The following EVI5 variants were observed in gnomAD, a reference collection of about 807,000 sequenced individuals.
EVI5 encodes ecotropic viral integration site 5.
EVI5 carries 73 observed loss-of-function variants against 112.0 expected under a neutral mutation model. That is an observed-to-expected ratio of 0.65 (90% CI 0.54 to 0.79). EVI5 has a LOEUF of 0.79. Among genes scored for constraint, EVI5 ranks in the 30% least tolerant of loss-of-function variants. EVI5 has a pLI of 0.00. For missense variants in EVI5, 900 were observed against 968.8 expected (o/e 0.93, Z 0.94); for synonymous variants, 305 against 319.9 (o/e 0.95, Z 0.50).
chr1:92,653,705 C>A (rs567833739), intron 13 of EVI5, among the ~76,000 whole-genome samples: 9 of 152,226 alleles, frequency 5.9e-5, no homozygotes, highest in African/African-American at 2.4e-5. Context: ...CCCCCTCCCC[C>A]TCTCCATGCA....
intron 16 of EVI5, among the ~76,000 whole-genome samples, chr1:92,611,942 G>GA (rs567331594): frequency 2.8e-4 from 42 of 151,258 alleles, no homozygotes; most frequent in Admixed American, 1.3e-3. Context: ...AAATTAAATA[G>GA]AAAAAAAAGA....
chr1:92,636,212 T>C lies in EVI5; in HGVS notation c.1517A>G (p.Asp506Gly). 2 of 1,613,190 alleles carry C rather than the reference T, an allele frequency of 1.2e-6. No individual in the cohort carries two copies. The highest frequency in any genetic ancestry group is 1.1e-5 in the South Asian group (1 of 90,810). Residue 506 changes from aspartate (D) to glycine (G), a missense_variant, in exon 14 of 20, where the codon GAT becomes GGT. Asp to Gly is a moderately conservative substitution (Grantham distance 94). Coordinates refer to ENST00000684568, the MANE Select transcript of EVI5 (RefSeq NM_001350197.2). ...GTGTAGGTTTCTTACCTTCTCTATA[T>C]CCAAGACTTTATCCTGCATCTCTTT... Reference protein sequence around the residue: ...ALKEMQDKVLDIEKRNNSLPD... With the variant: ...ALKEMQDKVLGIEKRNNSLPD...
At chr1:92,780,729 C>T (rs1684750057) in intron 1 of EVI5, among the ~76,000 whole-genome samples, 1 of 151,988 alleles carries the variant, frequency 6.6e-6, no homozygotes, top group African/African-American at 2.4e-5. Context: ...GAATCTTGGC[C>T]CGGTGCAGTG....
intron 14 of EVI5, among the ~76,000 whole-genome samples, chr1:92,634,028 T>TAG (rs1354337781): frequency 2.0e-5 from 3 of 152,096 alleles, no homozygotes; most frequent in South Asian, 2.1e-4. Flanking sequence ...TTCTGGCTTG[T>TAG]AGTTTCTGCT....
chr1:92,636,780 GAATT>G (rs776111871), intron 13 of EVI5, among the ~76,000 whole-genome samples: 125 of 152,022 alleles, frequency 8.2e-4, no homozygotes, highest in African/African-American at 2.4e-3. Context: ...GGATTTTGAA[GAATT>G]AATATGAAAT....
rs79279533 is a variant in EVI5, at chr1:92,568,465, G to C, written c.2071-4728C>G. Among the ~76,000 whole-genome samples, 19 of 151,782 alleles carry C rather than the reference G, an allele frequency of 1.3e-4. No individual in the cohort carries two copies. The East Asian group carries it at 3.3e-3, about 26-fold the overall frequency. ...AATAATAGCTATTATATATTGAACA[G>C]GTACAACACTTATGAGCCCTTCTCA... On this transcript the variant is annotated intron_variant, in intron 18 of 19. Coordinates refer to ENST00000684568, the MANE Select transcript of EVI5 (RefSeq NM_001350197.2).
intron 2 of EVI5, chr1:92,714,060 A>C (rs189341399): frequency 1.0e-6 from 1 of 984,514 alleles, no homozygotes; most frequent in Non-Finnish European, 1.2e-6. Flanking sequence ...AAGCACATTT[A>C]ACACACAAGG....
chr1:92,677,036 T>G, intron 10 of EVI5, 122 bp downstream of exon 10: 1 of 655,032 alleles, frequency 1.5e-6, no homozygotes, highest in South Asian at 2.1e-5. Context: ...TGTCTATTTT[T>G]AACTATAATC....
intron 19 of EVI5, among the ~76,000 whole-genome samples, chr1:92,559,039 C>T (rs921228676): frequency 6.6e-6 from 1 of 152,124 alleles, no homozygotes; most frequent in Non-Finnish European, 1.5e-5. Context: ...CATGGATGCA[C>T]AAGTCCCTTA....
At chr1:92,737,550 G>C in intron 1 of EVI5, among the ~76,000 whole-genome samples, 1 of 151,870 alleles carries the variant, frequency 6.6e-6, no homozygotes, top group Non-Finnish European at 1.5e-5. Flanking sequence ...AGCTGAAAAA[G>C]AAAATGTACA....
rs1558173560 is a variant in EVI5, at chr1:92,736,465, G to A, written c.82C>T (p.Pro28Ser). The change falls in exon 2 of 20, where the codon CCA (proline) becomes TCA (serine). Residue 28 changes from proline to serine, a missense_variant. Pro to Ser is a moderately conservative substitution (Grantham distance 74). Transcript: ENST00000684568. ...GGACTCAACTGTGATGGGGAAGATG[G>A]TGAAAGGGCTGGTGTTGATAGTGTG... ...STTLSTPALS[P>S]SSPSQLSPDD... is the part of the protein sequence containing the mutation. 6.2e-7 allele frequency: 1 copy of A among 1,613,990 alleles called. No homozygotes were observed. The highest frequency in any genetic ancestry group is 1.3e-5 in the African/African-American group (1 of 75,014).
chr1:92,722,039 C>A (rs1159479022), intron 2 of EVI5, among the ~76,000 whole-genome samples: 6 of 30,214 alleles, frequency 2.0e-4, no homozygotes, highest in African/African-American at 3.0e-4. Context: ...ACTTCATGTC[C>A]CACTATTTTA....
chr1:92,713,960 T>C (rs1344254058), intron 2 of EVI5: 2 of 897,044 alleles, frequency 2.2e-6, no homozygotes, highest in South Asian at 5.1e-5. Context: ...ATTCCCCTCC[T>C]TAATTAAAAT....
At chr1:92,753,065 G>A (rs1244545216) in intron 1 of EVI5, among the ~76,000 whole-genome samples, 1 of 151,220 alleles carries the variant, frequency 6.6e-6, no homozygotes, top group Admixed American at 6.6e-5. Flanking sequence ...CTGCCTTTCT[G>A]AGGAGGCAAC....
At chr1:92,716,254 G>C (rs1289211159) in intron 2 of EVI5, among the ~76,000 whole-genome samples, 1 of 152,186 alleles carries the variant, frequency 6.6e-6, no homozygotes, top group African/African-American at 2.4e-5. Context: ...CTCTGGGACA[G>C]AGCTTCCAGA....
chr1:92,775,829 C>A (rs1684048316), intron 1 of EVI5, among the ~76,000 whole-genome samples: 1 of 152,114 alleles, frequency 6.6e-6, no homozygotes, highest in Non-Finnish European at 1.5e-5. Flanking sequence ...TAATTTGAGG[C>A]CGGGCACGGT....
Position 92,735,639 on chromosome 1 carries a change from CAT to C in EVI5, c.149+757_149+758del, listed in dbSNP as rs1188067332. Among the ~76,000 whole-genome samples the C allele has an allele frequency of 9.5e-3, 144 of 15,096 alleles. 1 individual carries two copies. The highest frequency in any genetic ancestry group is 0.036 in the Admixed American group (35 of 982). 9.9% of individuals were successfully genotyped at this position (15,096 alleles called of 152,430 possible). A position where few individuals can be genotyped will look rare whatever the true frequency, so the allele number is the denominator to read the frequency against. ...TAATTATATGATATATGATATATGT[CAT>C]ATATATATATAATTATATAATTCAA... On this transcript the variant is annotated intron_variant, in intron 2 of 19. Coordinates refer to ENST00000684568, the MANE Select transcript of EVI5 (RefSeq NM_001350197.2).
In EVI5 at chr1:92,509,074, T is replaced by G. The variant is rs1281254572; in HGVS notation, c.*4582A>C. The G allele has an allele frequency of 6.6e-6, 1 of 152,280 alleles. No individual in the cohort carries two copies. Among genetic ancestry groups the G allele is most frequent in the Admixed American group, 6.5e-5 (1 of 15,286 alleles). The allele number at this position is 152,280 out of a possible 1,614,324, so 9.4% of individuals were successfully genotyped here. On this transcript the variant is annotated 3_prime_UTR_variant, in exon 20 of 20. Transcript: ENST00000684568. ...AACTGATTTCATGAAATGTTCGCTGTCAATGTCTGGTATGTTAATATACAT... is the reference window on the plus strand; with the variant it reads ...AACTGATTTCATGAAATGTTCGCTGGCAATGTCTGGTATGTTAATATACAT...
At chr1:92,765,768 C>A (rs1279173871) in intron 1 of EVI5, among the ~76,000 whole-genome samples, 1 of 152,074 alleles carries the variant, frequency 6.6e-6, no homozygotes, top group African/African-American at 2.4e-5. Flanking sequence ...CCCACAAATT[C>A]TTTTGTATTA....
Sources: gnomAD v4.1 joint callset for allele counts (sites outside exome capture counted in the v4.1 genomes callset) on GRCh38, gnomAD v4.1.1 for gene constraint, MANE v1.5 for transcripts, NCBI Gene and HGNC (gene_info 2026-07-23, HGNC 2026-07-21) for gene names.